The following NFYC variants were observed in gnomAD, a reference collection of about 807,000 sequenced individuals.
NFYC encodes CAAT box DNA-binding protein subunit C.
A neutral mutation model predicts 53.1 loss-of-function variants in NFYC; 25 were observed. The ratio of observed to expected loss-of-function variants is 0.47; its 90% CI spans 0.34 to 0.66. The LOEUF is 0.66. Ranked by LOEUF, NFYC falls within the 30% of genes least tolerant of loss-of-function variation. The pLI, the probability that NFYC is intolerant of heterozygous loss-of-function variation, is 0.01. For missense variants in NFYC, 260 were observed against 422.7 expected, an observed-to-expected ratio of 0.62 and a Z score of 3.38; for synonymous variants, 145 against 152.6, an observed-to-expected ratio of 0.95 and a Z score of 0.37.
At chr1:40,763,421 A>G (rs990627586) in intron 7 of NFYC, 1 of 454,328 alleles carries the variant, frequency 2.2e-6, no homozygotes, top group Non-Finnish European at 4.4e-6. Context: ...ATCTCAGCTC[A>G]CTGCAGCTTC....
At chr1:40,741,379 G>A (rs1402335909) in intron 2 of NFYC, among the ~76,000 whole-genome samples, 1 of 152,102 alleles carries the variant, frequency 6.6e-6, no homozygotes, top group Non-Finnish European at 1.5e-5. Context: ...AGTGTTCTGA[G>A]CACATTTAAG....
At chr1:40,696,039 T>TTG (rs1553149183) in intron 1 of NFYC, among the ~76,000 whole-genome samples, 6,817 of 150,774 alleles carry the variant, frequency 0.045, 168 homozygotes, top group Non-Finnish European at 0.071. Flanking sequence ...TTTTTTTTTT[T>TTG]TGAGATAGAG....
chr1:40,757,643 A>G (rs150615351), intron 5 of NFYC, among the ~76,000 whole-genome samples: 5 of 152,336 alleles, frequency 3.3e-5, no homozygotes, highest in African/African-American at 9.6e-5. Context: ...CCTGTTTCCC[A>G]TTAACCTGTT....
At chr1:40,693,276 A>G (rs1304746057) in intron 1 of NFYC, among the ~76,000 whole-genome samples, 1 of 152,210 alleles carries the variant, frequency 6.6e-6, no homozygotes, top group Admixed American at 6.5e-5. Context: ...GTTCCAGTCA[A>G]CTTGTTGGGA....
chr1:40,759,178 A>G (rs1359136032), intron 6 of NFYC, among the ~76,000 whole-genome samples: 3 of 151,196 alleles, frequency 2.0e-5, no homozygotes, highest in African/African-American at 7.3e-5. Flanking sequence ...ACAGTGAGGT[A>G]GGATCATGCC....
chr1:40,704,217 GC>G (rs1275674828), intron 1 of NFYC, among the ~76,000 whole-genome samples: 3 of 151,870 alleles, frequency 2.0e-5, no homozygotes, highest in Non-Finnish European at 2.9e-5. Flanking sequence ...GACTACAGGC[GC>G]CCGCCACCAC....
At chr1:40,757,145 C>G (rs1171335140) in intron 5 of NFYC, 1 of 234,260 alleles carries the variant, frequency 4.3e-6, no homozygotes, top group East Asian at 1.1e-4. Flanking sequence ...TTTTACTCAG[C>G]CAGCCCAAGT....
rs559529652 is a variant in NFYC, at chr1:40,718,614, G to T, written c.-8-20222G>T. Reference sequence around the variant, plus strand: ...TTTGGAACAAAGCATGGTACAAGTAGATAACAATTGAGCACTACCAGTATT... The same window carrying T: ...TTTGGAACAAAGCATGGTACAAGTATATAACAATTGAGCACTACCAGTATT... On this transcript the variant is annotated intron_variant, in intron 1 of 9. Coordinates refer to ENST00000447388, the MANE Select transcript of NFYC (RefSeq NM_014223.5). Among the ~76,000 whole-genome samples, 174 of 152,336 alleles carry T rather than the reference G, an allele frequency of 1.1e-3. 3 individuals carry two copies. Among genetic ancestry groups the T allele is most frequent in the Non-Finnish European group, 5.1e-4 (35 of 68,030 alleles).
At chr1:40,697,772 ATC>A (rs1283319200) in intron 1 of NFYC, among the ~76,000 whole-genome samples, 3 of 152,098 alleles carry the variant, frequency 2.0e-5, no homozygotes, top group East Asian at 1.9e-4. Flanking sequence ...TTCAGGAAAA[ATC>A]TCTCTGCCTG....
chr1:40,757,476 C>T (rs530649764), intron 5 of NFYC: 2 of 409,762 alleles, frequency 4.9e-6, no homozygotes, highest in Admixed American at 5.1e-5. Context: ...GTCCATCAGG[C>T]CCCCTGGGTT....
At position 40,766,710 on chromosome 1, in the gene NFYC, G is replaced by T. The variant is rs759286614; in HGVS notation, c.828+7G>T. 4.3e-6 allele frequency: 7 copies of T among 1,611,780 alleles called. No individual in the cohort carries two copies. The East Asian group carries it at 1.3e-4, about 31-fold the overall frequency. On this transcript the variant is annotated splice_region_variant and intron_variant, in intron 8 of 9. Transcript: ENST00000447388. Reference sequence around the variant, plus strand: ...TGCCACCAATGCTCAACAGGTATGTGCCCCAGAGACACAAGGCCTGTGTTG... The same window carrying T: ...TGCCACCAATGCTCAACAGGTATGTTCCCCAGAGACACAAGGCCTGTGTTG...
intron 1 of NFYC, among the ~76,000 whole-genome samples, chr1:40,707,483 A>G (rs1200869317): frequency 9.8e-6 from 1 of 101,776 alleles, no homozygotes; most frequent in Non-Finnish European, 2.3e-5. Context: ...CCATCTCCAA[A>G]AAAAAAAAAA....
At chr1:40,750,898 C>CCACA in intron 4 of NFYC, among the ~76,000 whole-genome samples, 1 of 152,162 alleles carries the variant, frequency 6.6e-6, no homozygotes, top group South Asian at 2.1e-4. Context: ...ACTGACAATA[C>CCACA]CACAGTTGGT....
chr1:40,754,177 G>A (rs889034604), intron 5 of NFYC, among the ~76,000 whole-genome samples: 3 of 152,012 alleles, frequency 2.0e-5, no homozygotes, highest in Non-Finnish European at 4.4e-5. Context: ...GTCATTCAGT[G>A]ACAGCCATTC....
At chr1:40,764,267 A>G (rs916025920) in intron 7 of NFYC, among the ~76,000 whole-genome samples, 2 of 152,202 alleles carry the variant, frequency 1.3e-5, no homozygotes, top group African/African-American at 4.8e-5. Context: ...TTGGTTAACC[A>G]CTTCCTCTGT....
In NFYC at chr1:40,766,918, G is replaced by A. The variant is rs1482810198; in HGVS notation, c.828+215G>A. On this transcript the variant is annotated intron_variant, in intron 8 of 9. Coordinates refer to ENST00000447388, the MANE Select transcript of NFYC (RefSeq NM_014223.5). ...TTTCTCTTACCATCTTGTTCTCAAG[G>A]GGCAAAGAAATGCAAGTCAGGGGAA... The A allele has an allele frequency of 3.2e-6, 5 of 1,552,106 alleles. No individual in the cohort carries two copies. The South Asian group carries it at 5.9e-5, about 18-fold the overall frequency.
intron 1 of NFYC, among the ~76,000 whole-genome samples, chr1:40,700,191 G>A (rs1297207231): frequency 6.6e-6 from 1 of 152,130 alleles, no homozygotes; most frequent in Non-Finnish European, 1.5e-5. Context: ...GATTTCAAAG[G>A]TCATCTAATC....
intron 1 of NFYC, among the ~76,000 whole-genome samples, chr1:40,703,258 G>A (rs1436696869): frequency 6.6e-6 from 1 of 152,002 alleles, no homozygotes; most frequent in Non-Finnish European, 1.5e-5. Context: ...GGGAGGTTGA[G>A]GTGGGAGGAT....
At chr1:40,759,207 C>T (rs567816298) in intron 6 of NFYC, among the ~76,000 whole-genome samples, 1 of 147,366 alleles carries the variant, frequency 6.8e-6, no homozygotes, top group Non-Finnish European at 1.5e-5. Flanking sequence ...TCAGCCTGGG[C>T]AGCACAGCAA....
Sources: gnomAD v4.1 joint callset for allele counts (sites outside exome capture counted in the v4.1 genomes callset) on GRCh38, gnomAD v4.1.1 for gene constraint, MANE v1.5 for transcripts, NCBI Gene and HGNC (gene_info 2026-07-23, HGNC 2026-07-21) for gene names.